Variants in GATAD2A observed in about 807,000 individuals in gnomAD.
The protein encoded by GATAD2A is GATA zinc finger domain containing 2A.
A neutral mutation model predicts 68.5 loss-of-function variants in GATAD2A; 12 were observed. The observed-to-expected ratio is 0.18, with a 90% CI of 0.11 to 0.28. GATAD2A has a LOEUF of 0.28. Among genes scored for constraint, GATAD2A ranks in the 10% least tolerant of loss-of-function variants. The pLI is 1.00. For synonymous variants in GATAD2A, 410 were observed against 375.3 expected (o/e 1.09, Z -1.07); for missense variants, 755 against 868.5 (o/e 0.87, Z 1.64).
At chr19:19,410,559 G>A (rs2050798355) in intron 1 of GATAD2A, among the ~76,000 whole-genome samples, 1 of 152,354 alleles carries the variant, frequency 6.6e-6, no homozygotes, top group Non-Finnish European at 1.5e-5. Context: ...TTGCCGGTTA[G>A]ATATTCTGGT....
Position 19,505,974 on chromosome 19 carries a change from T to C in GATAD2A, c.*500T>C. Reference sequence around the variant, plus strand: ...CCATGGCGATCTATAAGTTGAAAGATTTTTTTTTTTTTTAATCACCTCATG... The same window carrying C: ...CCATGGCGATCTATAAGTTGAAAGACTTTTTTTTTTTTTAATCACCTCATG... On this transcript the variant is annotated 3_prime_UTR_variant, in exon 12 of 12. Transcript: ENST00000683918. 2 of 143,400 alleles carry C rather than the reference T, an allele frequency of 1.4e-5. No homozygotes were observed. Among genetic ancestry groups the C allele is most frequent in the Non-Finnish European group, 2.8e-5 (2 of 70,562 alleles). The allele number at this position is 143,400 out of a possible 1,614,324, so 8.9% of individuals were successfully genotyped here.
At chr19:19,444,837 C>T (rs1347004637) in intron 1 of GATAD2A, among the ~76,000 whole-genome samples, 1 of 147,106 alleles carries the variant, frequency 6.8e-6, no homozygotes, top group Admixed American at 6.9e-5. Flanking sequence ...TGGCTCTGCA[C>T]TCCAGCCTGG....
intron 2 of GATAD2A, among the ~76,000 whole-genome samples, chr19:19,477,320 A>T (rs187114287): frequency 1.4e-4 from 22 of 152,272 alleles, no homozygotes; most frequent in African/African-American, 5.1e-4. Context: ...TTTAGAGCTT[A>T]TATCTTTAAA....
At chr19:19,472,709 C>T (rs1343547382) in intron 2 of GATAD2A, 1 of 151,896 alleles carries the variant, frequency 6.6e-6, no homozygotes, top group South Asian at 2.1e-4. Flanking sequence ...GGTCCTGCAA[C>T]TGAAAGGTAA....
chr19:19,427,012 C>T (rs985926953), intron 1 of GATAD2A, among the ~76,000 whole-genome samples: 3 of 151,964 alleles, frequency 2.0e-5, no homozygotes, highest in African/African-American at 7.3e-5. Context: ...GCCTTGAGGA[C>T]ATTATGCTGA....
chr19:19,439,248 G>C (rs992896359), intron 1 of GATAD2A, among the ~76,000 whole-genome samples: 4 of 152,232 alleles, frequency 2.6e-5, no homozygotes, highest in African/African-American at 9.6e-5. Flanking sequence ...AATTTGGCCT[G>C]TCAGGTCCTC....
chr19:19,506,182 G>GCTGAA lies in GATAD2A; in HGVS notation c.*710_*714dup, dbSNP rs1247334594. 5.0e-6 allele frequency: 2 copies of GCTGAA among 398,684 alleles called. No homozygotes were observed. The highest frequency in any genetic ancestry group is 4.1e-5 in the African/African-American group (2 of 48,588). The allele number at this position is 398,684 out of a possible 1,614,324, so 24.7% of individuals were successfully genotyped here. The stretch of plus-strand genomic sequence containing the variant: ...GATGGCCGAGGCAGCCCTCGCTCCA[G>GCTGAA]CTGAACGCCTCCATTGCTGCTTGTT... On this transcript the variant is annotated 3_prime_UTR_variant, in exon 12 of 12. Transcript: ENST00000683918.
chr19:19,398,328 C>T (rs528692550), intron 1 of GATAD2A, among the ~76,000 whole-genome samples: 1 of 151,768 alleles, frequency 6.6e-6, no homozygotes, highest in East Asian at 1.9e-4. Flanking sequence ...CTCAGCCTCC[C>T]GAGTAGCTGA....
At chr19:19,499,511 T>C (rs897383496) in intron 8 of GATAD2A, among the ~76,000 whole-genome samples, 3 of 151,112 alleles carry the variant, frequency 2.0e-5, no homozygotes, top group Non-Finnish European at 4.4e-5. Context: ...GCGGGGTGGG[T>C]GTGTGCAGAG....
At chr19:19,464,602 T>A (rs1379167188) in intron 1 of GATAD2A, 2 of 152,396 alleles carry the variant, frequency 1.3e-5, no homozygotes, top group Non-Finnish European at 2.9e-5. Flanking sequence ...GGAAGGGTCA[T>A]GTGGAGCCAG....
chr19:19,386,009 CCGCCGCCGCCACAGCGGCCGCCGCGGG>C (rs1414967060), exon 1 of GATAD2A: 1 of 151,148 alleles, frequency 6.6e-6, no homozygotes, highest in Non-Finnish European at 1.5e-5. Context: ...GTCGCCGCTG[CCGCCGCCGCCACAGCGGCCGCCGCGGG>C]CGCCACCTGA....
Position 19,465,609 on chromosome 19 carries a change from A to C in GATAD2A, c.264A>C (p.Ser88=). ...ATGGGCCCGTGGACATGCGCACCTC[A>C]CACAGGTGAGTGGGAGGAGCCAGCG... ...VGDGPVDMRT[S]HSDMKSERRP... The change falls in exon 2 of 12, where the codon TCA becomes TCC. Residue 88 remains serine (S), a synonymous_variant. Coordinates refer to ENST00000683918, the MANE Select transcript of GATAD2A (RefSeq NM_001384528.1). 1 of 1,606,926 alleles carries C rather than the reference A, an allele frequency of 6.2e-7. No individual in the cohort carries two copies. Among genetic ancestry groups the C allele is most frequent in the Non-Finnish European group, 8.5e-7 (1 of 1,176,874 alleles).
intron 4 of GATAD2A, among the ~76,000 whole-genome samples, chr19:19,493,174 C>T (rs1052841722): frequency 1.3e-5 from 2 of 152,240 alleles, no homozygotes; most frequent in East Asian, 3.9e-4. Context: ...CTCTTGACCT[C>T]GTGATCCGCC....
At chr19:19,455,279 C>G (rs557677031) in intron 1 of GATAD2A, among the ~76,000 whole-genome samples, 1 of 152,232 alleles carries the variant, frequency 6.6e-6, no homozygotes, top group African/African-American at 2.4e-5. Flanking sequence ...TGCCTGAGTT[C>G]AGGAGTTCGA....
At chr19:19,415,738 C>T (rs2051542982) in intron 1 of GATAD2A, among the ~76,000 whole-genome samples, 1 of 151,640 alleles carries the variant, frequency 6.6e-6, no homozygotes, top group Admixed American at 6.6e-5. Context: ...CTGCCTCAGC[C>T]TCCCAAGTAG....
chr19:19,454,728 G>GCCCCCC (rs60087917), intron 1 of GATAD2A, among the ~76,000 whole-genome samples: 47 of 121,678 alleles, frequency 3.9e-4, no homozygotes, highest in South Asian at 5.9e-4. Context: ...GAGCCACTGT[G>GCCCCCC]CCCCCCCCCA....
rs556394378 is a variant in GATAD2A, at chr19:19,428,645, T to G, written c.-7+22626T>G. Among the ~76,000 whole-genome samples the G allele has an allele frequency of 1.3e-5, 2 of 151,834 alleles. 1 individual carries two copies. Among genetic ancestry groups the G allele is most frequent in the South Asian group, 4.2e-4 (2 of 4,812 alleles). The stretch of plus-strand genomic sequence containing the variant: ...CTGGAGTGCCAGGGAGCGAGAGGGG[T>G]GTGGTGCTGGAGTCTGAGCTTACCA... On this transcript the variant is annotated intron_variant, in intron 1 of 11. Coordinates refer to ENST00000683918, the MANE Select transcript of GATAD2A (RefSeq NM_001384528.1).
At chr19:19,433,146 G>A (rs1257182285) in intron 1 of GATAD2A, among the ~76,000 whole-genome samples, 4 of 152,180 alleles carry the variant, frequency 2.6e-5, no homozygotes, top group Non-Finnish European at 5.9e-5. Flanking sequence ...TGCACTGTAG[G>A]TACGATGTAC....
At chr19:19,466,241 C>T (rs1267292250) in intron 2 of GATAD2A, among the ~76,000 whole-genome samples, 1 of 152,230 alleles carries the variant, frequency 6.6e-6, no homozygotes, top group Non-Finnish European at 1.5e-5. Context: ...AAGACCCAAT[C>T]TACCACCTAT....
Sources: allele counts gnomAD v4.1 joint callset (sites outside exome capture counted in the v4.1 genomes callset), GRCh38; gene constraint gnomAD v4.1.1; transcripts MANE v1.5; gene names NCBI Gene and HGNC (gene_info 2026-07-23, HGNC 2026-07-21).